Variants in ZNF365 observed in about 807,000 individuals in gnomAD.
ZNF365 encodes protein ZNF365.
ZNF365 carries 22 observed loss-of-function variants against 35.0 expected under a neutral mutation model. The ratio of observed to expected loss-of-function variants is 0.63; its 90% confidence interval spans 0.45 to 0.90. The LOEUF (loss-of-function observed/expected upper bound fraction) is 0.90. ZNF365 is among the 40% of genes least tolerant of loss of function. The pLI, the probability that ZNF365 is intolerant of heterozygous loss-of-function variation, is 0.00. For synonymous variants in ZNF365, 188 were observed against 196.2 expected (o/e 0.96, Z 0.35); for missense variants, 448 against 500.3 (o/e 0.90, Z 1.00).
chr10:62,446,845 T>C (rs1308745904), intron 3 of ZNF365, among the ~76,000 whole-genome samples: 1 of 152,060 alleles, frequency 6.6e-6, no homozygotes, highest in Non-Finnish European at 1.5e-5. Context: ...AGTTACTAGT[T>C]TTGATGTGTG....
intron 4 of ZNF365, among the ~76,000 whole-genome samples, chr10:62,477,548 T>A (rs1210898661): frequency 6.6e-6 from 1 of 152,200 alleles, no homozygotes; most frequent in Non-Finnish European, 1.5e-5. Context: ...AATCTTTACA[T>A]TATCTTAATA....
At chr10:62,432,829 G>A (rs867963686) in intron 3 of ZNF365, among the ~76,000 whole-genome samples, 2 of 152,238 alleles carry the variant, frequency 1.3e-5, no homozygotes, top group African/African-American at 4.8e-5. Flanking sequence ...ATGAAAATCA[G>A]GAAGAAGACC....
At position 62,399,906 on chromosome 10, in the gene ZNF365, G is replaced by A. The variant is rs879408119; in HGVS notation, c.*117G>A. The A allele has an allele frequency of 1.6e-5, 23 of 1,440,180 alleles. No individual in the cohort carries two copies. Among genetic ancestry groups the A allele is most frequent in the Admixed American group, 5.6e-5 (2 of 35,728 alleles). The allele number at this position is 1,440,180 out of a possible 1,614,324, so 89.2% of individuals were successfully genotyped here. ...GTAAGACACATTGGAAAAGCCAAGG[G>A]CATAACACAGGCAAGCACCTCAATT... On this transcript the variant is annotated 3_prime_UTR_variant, in exon 5 of 5. Coordinates refer to ENST00000395254, the MANE Select transcript of ZNF365 (RefSeq NM_014951.3).
intron 4 of ZNF365, among the ~76,000 whole-genome samples, chr10:62,466,929 G>A (rs1840953786): frequency 2.0e-5 from 3 of 152,218 alleles, no homozygotes; most frequent in East Asian, 3.9e-4. Flanking sequence ...AGCCCCCTGA[G>A]TATCTGGGGC....
chr10:62,472,876 A>C (rs1031448555), intron 4 of ZNF365, among the ~76,000 whole-genome samples: 2 of 152,200 alleles, frequency 1.3e-5, no homozygotes, highest in Non-Finnish European at 2.9e-5. Flanking sequence ...GAAAATTCCA[A>C]GTATAGAATA....
chr10:62,463,812 G>A (rs1442479742), intron 4 of ZNF365, among the ~76,000 whole-genome samples: 1 of 152,200 alleles, frequency 6.6e-6, no homozygotes, highest in Non-Finnish European at 1.5e-5. Flanking sequence ...CCTTCCTGCT[G>A]TGGGATTTCT....
Position 62,382,235 on chromosome 10 carries a change from C to G in ZNF365, c.743+5299C>G, listed in dbSNP as rs926358121. Among the ~76,000 whole-genome samples the G allele has an allele frequency of 8.5e-5, 13 of 152,180 alleles. No individual in the cohort carries two copies. In the East Asian group the frequency reaches 2.3e-3, roughly 27 times the overall value. The stretch of plus-strand genomic sequence containing the variant: ...ATTCCCATTTTTTGATCAGCTAAAG[C>G]AGCGACTAAGCAATGTAGTGTCCAG... On this transcript the variant is annotated intron_variant, in intron 2 of 4. Transcript: ENST00000395254.
intron 1 of ZNF365, chr10:62,375,898 T>C: frequency 3.1e-6 from 1 of 321,244 alleles, no homozygotes; most frequent in East Asian, 6.2e-5. Context: ...AGGTAGTAAA[T>C]ATTTTAGCTT....
At position 62,401,459 on chromosome 10, in the gene ZNF365, T is replaced by G; in HGVS notation, c.*1670T>G. 2 of 975,312 alleles carry G rather than the reference T, an allele frequency of 2.1e-6. No homozygotes were observed. Among genetic ancestry groups the G allele is most frequent in the Non-Finnish European group, 2.4e-6 (2 of 826,528 alleles). The allele number at this position is 975,312 out of a possible 1,614,324, so 60.4% of individuals were successfully genotyped here. On this transcript the variant is annotated 3_prime_UTR_variant, in exon 5 of 5. Coordinates refer to ENST00000395254, the MANE Select transcript of ZNF365 (RefSeq NM_014951.3). ...GAACCTACCATAATGAAAATGTTCT[T>G]GAATCTTCACTTTGACTTTCAGTTT...
intron 3 of ZNF365, among the ~76,000 whole-genome samples, chr10:62,438,449 A>G (rs1179558051): frequency 6.6e-6 from 1 of 152,122 alleles, no homozygotes; most frequent in Non-Finnish European, 1.5e-5. Flanking sequence ...TGGCCTCCCA[A>G]AATGCTGGGA....
chr10:62,460,789 T>C (rs1051341483), intron 4 of ZNF365, among the ~76,000 whole-genome samples: 1 of 152,078 alleles, frequency 6.6e-6, no homozygotes, highest in Non-Finnish European at 1.5e-5. Flanking sequence ...ATTCTTCACT[T>C]CATTGGTTTG....
intron 3 of ZNF365, among the ~76,000 whole-genome samples, chr10:62,428,111 G>A (rs565415521): frequency 2.6e-5 from 4 of 152,092 alleles, no homozygotes; most frequent in African/African-American, 4.8e-5. Flanking sequence ...AATTCCCTGC[G>A]TGTCAGGACA....
intron 3 of ZNF365, among the ~76,000 whole-genome samples, chr10:62,457,153 G>C (rs1387215910): frequency 1.3e-5 from 2 of 152,138 alleles, no homozygotes; most frequent in Admixed American, 1.3e-4. Context: ...GATGACAGAG[G>C]CACAAGAGTG....
chr10:62,397,038 T>G (rs1839740105), intron 3 of ZNF365, among the ~76,000 whole-genome samples: 1 of 152,242 alleles, frequency 6.6e-6, no homozygotes, highest in Non-Finnish European at 1.5e-5. Context: ...TGCCAGTGCC[T>G]TTGGTTCCCC....
At chr10:62,434,250 T>C (rs1292874365) in intron 3 of ZNF365, among the ~76,000 whole-genome samples, 2 of 152,188 alleles carry the variant, frequency 1.3e-5, no homozygotes, top group Non-Finnish European at 2.9e-5. Flanking sequence ...CTAAGATTGC[T>C]CAGTGGTGCT....
At chr10:62,415,096 C>T (rs995100725) in intron 3 of ZNF365, among the ~76,000 whole-genome samples, 1 of 148,340 alleles carries the variant, frequency 6.7e-6, no homozygotes, top group African/African-American at 2.5e-5. Flanking sequence ...TTTTTTTGAA[C>T]ATATTAATTA....
In ZNF365 at chr10:62,402,098, T is replaced by A; in HGVS notation, c.*2309T>A. ...CCATGTCCTGTTTGTGTCTTATTTT[T>A]AAATATTTTCTTTGTCCACATGGGC... On this transcript the variant is annotated 3_prime_UTR_variant, in exon 5 of 5. Transcript: ENST00000395254. 2 of 985,946 alleles carry A rather than the reference T, an allele frequency of 2.0e-6. No homozygotes were observed. Among genetic ancestry groups the A allele is most frequent in the Non-Finnish European group, 1.2e-6 (1 of 829,916 alleles). 61.1% of individuals were successfully genotyped at this position (985,946 alleles called of 1,614,324 possible). A position where few individuals can be genotyped will look rare whatever the true frequency, so the allele number is the denominator to read the frequency against.
rs138893195 is a variant in ZNF365, at chr10:62,407,979, T to C, written c.924+19403T>C. 3.8e-4 allele frequency among the ~76,000 whole-genome samples: 58 copies of C among 152,090 alleles called. No individual in the cohort carries two copies. In the Middle Eastern group the frequency reaches 0.014, roughly 36 times the overall value. ...CTATGTGTTGTTTAAGCCACTAAAC[T>C]AGTGATAATTTGTTACAGCAGCCAT... On this transcript the variant is annotated intron_variant, in intron 3 of 4. Coordinates refer to the ZNF365 transcript ENST00000395255.
chr10:62,444,054 G>T (rs996582048), intron 3 of ZNF365, among the ~76,000 whole-genome samples: 3 of 152,164 alleles, frequency 2.0e-5, no homozygotes, highest in Non-Finnish European at 4.4e-5. Flanking sequence ...CAATCCCTCT[G>T]CTCTTAGACT....
Sources: allele counts gnomAD v4.1 joint callset (sites outside exome capture counted in the v4.1 genomes callset), GRCh38; gene constraint gnomAD v4.1.1; transcripts MANE v1.5; gene names NCBI Gene and HGNC (gene_info 2026-07-23, HGNC 2026-07-21).